Variants in PCDHA3 observed in about 807,000 individuals in gnomAD.
The protein encoded by PCDHA3 is protocadherin alpha 3.
PCDHA3 carries 41 observed loss-of-function variants against 62.2 expected under a neutral mutation model. The ratio of observed to expected loss-of-function variants is 0.66; its 90% confidence interval spans 0.51 to 0.86. The LOEUF is 0.86. Among genes scored for constraint, PCDHA3 ranks in the 40% least tolerant of loss-of-function variants. The pLI is 0.00. For missense variants in PCDHA3, 1,304 were observed against 1,241.2 expected, an observed-to-expected ratio of 1.05 and a Z score of -0.76; for synonymous variants, 640 against 555.4, an observed-to-expected ratio of 1.15 and a Z score of -2.14.
At chr5:140,926,333 C>A (rs1244364456) in intron 1 of PCDHA3, 3 of 152,288 alleles carry the variant, frequency 2.0e-5, no homozygotes, top group African/African-American at 7.2e-5. Flanking sequence ...GGTCAGAGCG[C>A]CGGGACCCGA....
chr5:141,003,322 G>A (rs1588017257), intron 3 of PCDHA3, among the ~76,000 whole-genome samples: 1 of 152,242 alleles, frequency 6.6e-6, no homozygotes, highest in East Asian at 1.9e-4. Flanking sequence ...ACTTCCAGAG[G>A]GCAGGGTTTT....
At chr5:140,818,085 A>G (rs1296025308) in intron 1 of PCDHA3, among the ~76,000 whole-genome samples, 1 of 152,136 alleles carries the variant, frequency 6.6e-6, no homozygotes, top group Non-Finnish European at 1.5e-5. Flanking sequence ...AAAGCTTCTT[A>G]TATCTGTGGG....
chr5:140,957,063 C>T (rs2095330338), intron 1 of PCDHA3, among the ~76,000 whole-genome samples: 2 of 152,058 alleles, frequency 1.3e-5, no homozygotes, highest in African/African-American at 4.8e-5. Flanking sequence ...ATAAATGTGA[C>T]TGAGGGCTTT....
chr5:140,808,746 T>G (rs1581696399), intron 1 of PCDHA3: 1 of 1,612,092 alleles, frequency 6.2e-7, no homozygotes, highest in Admixed American at 1.7e-5. Flanking sequence ...GTGTACGCGC[T>G]GCAGCCGCTG....
At chr5:140,858,280 G>A (rs782403060) in intron 1 of PCDHA3, 11 of 1,597,460 alleles carry the variant, frequency 6.9e-6, no homozygotes, top group Non-Finnish European at 5.1e-6. Flanking sequence ...GCGCGGTGGG[G>A]AGCTGGTCTT....
intron 1 of PCDHA3, among the ~76,000 whole-genome samples, chr5:140,888,871 T>C (rs2062016827): frequency 6.6e-6 from 1 of 152,084 alleles, no homozygotes; most frequent in African/African-American, 2.4e-5. Flanking sequence ...TGTCTCAACA[T>C]AAAAATTAAA....
intron 2 of PCDHA3, among the ~76,000 whole-genome samples, chr5:140,979,396 G>C (rs2096848299): frequency 6.6e-6 from 1 of 151,692 alleles, no homozygotes; most frequent in South Asian, 2.1e-4. Flanking sequence ...ATACATACAT[G>C]TTGTCTACCT....
intron 2 of PCDHA3, among the ~76,000 whole-genome samples, chr5:140,981,835 T>C (rs991736759): frequency 6.6e-6 from 1 of 152,162 alleles, no homozygotes; most frequent in Non-Finnish European, 1.5e-5. Context: ...TCTAAAGGTC[T>C]CCCAGTTTGT....
intron 1 of PCDHA3, among the ~76,000 whole-genome samples, chr5:140,919,585 G>A (rs2079204849): frequency 6.6e-6 from 1 of 151,898 alleles, no homozygotes; most frequent in African/African-American, 2.4e-5. Flanking sequence ...ATGTAACATG[G>A]TAATTTTTAA....
intron 1 of PCDHA3, chr5:140,807,653 G>C: frequency 1.9e-6 from 3 of 1,614,186 alleles, no homozygotes; most frequent in Non-Finnish European, 2.5e-6. Flanking sequence ...TCCACTAGAG[G>C]GCGCCTCGGA....
chr5:140,882,423 T>C (rs1554174072), intron 1 of PCDHA3: 2 of 1,614,052 alleles, frequency 1.2e-6, no homozygotes, highest in African/African-American at 2.7e-5. Context: ...GCTCAGGACC[T>C]GGGGCTGGAG....
At chr5:140,804,939 G>T in intron 1 of PCDHA3, 4 of 1,173,494 alleles carry the variant, frequency 3.4e-6, no homozygotes, top group South Asian at 2.0e-5. Flanking sequence ...ATCCTTTGTT[G>T]CTCCCTTGTC....
Position 140,822,183 on chromosome 5 carries a change from A to G in PCDHA3, c.2394+18592A>G, listed in dbSNP as rs150835917. The G allele has an allele frequency of 1.6e-4, 258 of 1,614,250 alleles. 1 individual carries two copies. The African/African-American group carries it at 3.0e-3, about 19-fold the overall frequency. ...ATCCGCCCAGGTTCTCCAGACAAGA[A>G]CAAAGATTATTCATTTTAGAGTCAA... On this transcript the variant is annotated intron_variant, in intron 1 of 3. Coordinates refer to ENST00000522353, the MANE Select transcript of PCDHA3 (RefSeq NM_018906.3).
intron 3 of PCDHA3, among the ~76,000 whole-genome samples, chr5:140,992,799 A>T (rs577698123): frequency 6.6e-6 from 1 of 152,274 alleles, no homozygotes; most frequent in African/African-American, 2.4e-5. Flanking sequence ...TTATGGATCC[A>T]TATGTATCTA....
chr5:140,978,685 CA>C (rs1426574040), intron 1 of PCDHA3, among the ~76,000 whole-genome samples: 2 of 152,242 alleles, frequency 1.3e-5, no homozygotes, highest in African/African-American at 2.4e-5. Context: ...ATGTATTGGG[CA>C]AGGCAAAGCC....
At chr5:140,876,082 C>A in intron 1 of PCDHA3, 1 of 1,613,932 alleles carries the variant, frequency 6.2e-7, no homozygotes, top group Non-Finnish European at 8.5e-7. Context: ...GGACAGAGAG[C>A]AAACGCCAAA....
At chr5:140,881,785 C>A (rs2058831561) in intron 1 of PCDHA3, among the ~76,000 whole-genome samples, 1 of 152,202 alleles carries the variant, frequency 6.6e-6, no homozygotes, top group South Asian at 2.1e-4. Context: ...AACTACCGAT[C>A]AATTGTCCCA....
intron 1 of PCDHA3, among the ~76,000 whole-genome samples, chr5:140,832,632 C>T (rs1197058685): frequency 1.3e-5 from 2 of 151,992 alleles, no homozygotes; most frequent in Admixed American, 6.6e-5. Context: ...TAAAAAGTTC[C>T]TAGGAGGGTC....
At chr5:140,833,988 T>C (rs1772754266) in intron 1 of PCDHA3, among the ~76,000 whole-genome samples, 1 of 152,186 alleles carries the variant, frequency 6.6e-6, no homozygotes, top group African/African-American at 2.4e-5. Context: ...TTCTAAGGCA[T>C]GAGGAAGCTA....
Sources: gnomAD v4.1 joint callset for allele counts (sites outside exome capture counted in the v4.1 genomes callset) on GRCh38, gnomAD v4.1.1 for gene constraint, MANE v1.5 for transcripts, NCBI Gene and HGNC (gene_info 2026-07-23, HGNC 2026-07-21) for gene names.